PRDM2: variants seen among roughly 807,000 people sequenced by gnomAD.
PRDM2 encodes PR/SET domain 2.
Under a neutral mutation model 130.0 loss-of-function variants are expected in PRDM2, and 30 were observed. The observed-to-expected ratio is 0.23, with a 90% CI of 0.17 to 0.31. The LOEUF is 0.31. PRDM2 is among the 10% of genes least tolerant of loss of function. PRDM2 has a pLI of 1.00. For synonymous variants in PRDM2, 871 were observed against 782.4 expected (o/e 1.11, Z -1.89); for missense variants, 2,011 against 2,108.4 (o/e 0.95, Z 0.90).
At chr1:13,802,381 G>A (rs1294249081) in intron 8 of PRDM2, among the ~76,000 whole-genome samples, 1 of 152,170 alleles carries the variant, frequency 6.6e-6, no homozygotes, top group African/African-American at 2.4e-5. Context: ...TGAGCATCGA[G>A]GCAGGAGCAG....
chr1:13,712,053 CAAAA>C (rs5772549), intron 1 of PRDM2, among the ~76,000 whole-genome samples: 4 of 83,880 alleles, frequency 4.8e-5, no homozygotes, highest in African/African-American at 1.8e-4. Context: ...CATCTCTACC[CAAAA>C]AAAAAAAAAA....
intron 9 of PRDM2, among the ~76,000 whole-genome samples, chr1:13,821,787 A>T (rs1258394854): frequency 6.6e-6 from 1 of 152,010 alleles, no homozygotes; most frequent in African/African-American, 2.4e-5. Context: ...ATTATTAAGG[A>T]TTCACCCATG....
intron 6 of PRDM2, among the ~76,000 whole-genome samples, chr1:13,766,441 T>C (rs1428626421): frequency 6.6e-6 from 1 of 152,242 alleles, no homozygotes; most frequent in East Asian, 1.9e-4. Context: ...TTGGGTTTTG[T>C]AATTATGGTA....
At chr1:13,814,154 G>C (rs1260842940) in intron 8 of PRDM2, among the ~76,000 whole-genome samples, 1 of 152,216 alleles carries the variant, frequency 6.6e-6, no homozygotes, top group Non-Finnish European at 1.5e-5. Flanking sequence ...CCAGCTGGCT[G>C]TCTCCTCCCA....
At chr1:13,755,910 A>T (rs1643938652) in intron 6 of PRDM2, among the ~76,000 whole-genome samples, 1 of 152,020 alleles carries the variant, frequency 6.6e-6, no homozygotes, top group Non-Finnish European at 1.5e-5. Flanking sequence ...CTGGTATTAC[A>T]GGCTTGTACA....
At position 13,778,853 on chromosome 1, in the gene PRDM2, A is replaced by G; in HGVS notation, c.1058A>G (p.Asp353Gly). ...IPRTKEEANGDVFETFMFPCQ... is the reference protein window; with the variant it reads ...IPRTKEEANGGVFETFMFPCQ... ...AGAACTAAAGAAGAGGCCAATGGTG[A>G]TGTATTTGAAACGTTTATGTTTCCG... Residue 353 changes from aspartate (D) to glycine (G), a missense_variant, in exon 8 of 10, where the codon GAT becomes GGT. Around this residue, in one of 5 missense-constraint regions of PRDM2, gnomAD observed 1,288 missense variants for 1,237.7 expected, o/e 1.04. Transcript: ENST00000311066. The G allele has an allele frequency of 6.2e-7, 1 of 1,614,224 alleles. No homozygotes were observed. The highest frequency in any genetic ancestry group is 8.5e-7 in the Non-Finnish European group (1 of 1,180,050).
chr1:13,795,351 C>T (rs116272591), intron 8 of PRDM2, among the ~76,000 whole-genome samples: 2,719 of 152,146 alleles, frequency 0.018, 87 homozygotes, highest in African/African-American at 0.061. Context: ...ATGGGGAAAC[C>T]GAGGCACAGG....
chr1:13,794,411 T>C (rs1184454282), intron 8 of PRDM2, among the ~76,000 whole-genome samples: 1 of 152,248 alleles, frequency 6.6e-6, no homozygotes, highest in African/African-American at 2.4e-5. Flanking sequence ...GCAGGAACTT[T>C]GATTTCTTCA....
At chr1:13,796,958 A>G (rs769991786) in intron 8 of PRDM2, among the ~76,000 whole-genome samples, 5 of 152,232 alleles carry the variant, frequency 3.3e-5, no homozygotes, top group Non-Finnish European at 5.9e-5. Flanking sequence ...GTAAAAGTGC[A>G]ATCAATTCCT....
chr1:13,783,172 T>G, intron 8 of PRDM2: 1 of 535,898 alleles, frequency 1.9e-6, no homozygotes, highest in Non-Finnish European at 3.6e-6. Flanking sequence ...CTCAGTGTCA[T>G]GTGTCTTATT....
chr1:13,722,937 C>T, intron 2 of PRDM2: 1 of 464,590 alleles, frequency 2.2e-6, no homozygotes. Flanking sequence ...AAGCCTCACC[C>T]CATCTCGTCA....
chr1:13,795,311 T>C (rs1390740769), intron 8 of PRDM2, among the ~76,000 whole-genome samples: 1 of 152,208 alleles, frequency 6.6e-6, no homozygotes, highest in Non-Finnish European at 1.5e-5. Context: ...AAGAGCCCTA[T>C]GAATAATTTC....
At chr1:13,756,388 G>C (rs1643954304) in intron 6 of PRDM2, among the ~76,000 whole-genome samples, 1 of 152,140 alleles carries the variant, frequency 6.6e-6, no homozygotes, top group African/African-American at 2.4e-5. Context: ...GTTTCAGGTA[G>C]ACTGGCATGG....
intron 6 of PRDM2, among the ~76,000 whole-genome samples, chr1:13,750,555 G>A (rs1279597027): frequency 6.6e-6 from 1 of 151,990 alleles, no homozygotes; most frequent in Non-Finnish European, 1.5e-5. Context: ...TGTTAAAATC[G>A]GCATTAAGGA....
At chr1:13,774,043 G>C (rs945561262) in intron 7 of PRDM2, among the ~76,000 whole-genome samples, 6 of 152,136 alleles carry the variant, frequency 3.9e-5, no homozygotes, top group African/African-American at 1.2e-4. Flanking sequence ...TTTTTTGTTG[G>C]AATTTAAATT....
chr1:13,764,643 G>A (rs898985721), intron 6 of PRDM2, among the ~76,000 whole-genome samples: 3 of 152,222 alleles, frequency 2.0e-5, no homozygotes, highest in Non-Finnish European at 4.4e-5. Context: ...CCTGACATTT[G>A]GAAGAGTTAG....
In PRDM2 at chr1:13,749,368, C is replaced by T. The variant is rs761858927; in HGVS notation, c.392C>T (p.Ala131Val). 1 of 1,490,098 alleles carries T rather than the reference C, an allele frequency of 6.7e-7. No individual in the cohort carries two copies. The highest frequency in any genetic ancestry group is 9.0e-7 in the Non-Finnish European group (1 of 1,105,470). 92.3% of individuals were successfully genotyped at this position (1,490,098 alleles called of 1,614,324 possible). The change falls in exon 6 of 10, where the codon GCG (alanine) becomes GTG (valine). Residue 131 changes from alanine to valine, a missense_variant. Physicochemically the swap from Ala to Val is moderately conservative, Grantham distance 64. Transcript: ENST00000311066. ...TCTCTTCTCTCCCCGCAGCCAATCGCGCCGGGCGAGGAGCTCCTGGTCTGG... is the reference window on the plus strand; with the variant it reads ...TCTCTTCTCTCCCCGCAGCCAATCGTGCCGGGCGAGGAGCTCCTGGTCTGG... The part of the protein sequence containing the change: ...AIYYKTLKPI[A>V]PGEELLVWYN...
intron 5 of PRDM2, among the ~76,000 whole-genome samples, chr1:13,743,293 G>A (rs1258309167): frequency 2.0e-5 from 3 of 151,376 alleles, no homozygotes; most frequent in African/African-American, 7.3e-5. Context: ...CCAGCTACTC[G>A]GGAGGCTGAG....
At chr1:13,724,246 T>C (rs577909098) in intron 2 of PRDM2, among the ~76,000 whole-genome samples, 61 of 152,338 alleles carry the variant, frequency 4.0e-4, no homozygotes, top group Non-Finnish European at 4.9e-4. Context: ...AAACGGGCAT[T>C]GACAGTAAGT....
Sources: allele counts gnomAD v4.1 joint callset (sites outside exome capture counted in the v4.1 genomes callset), GRCh38; gene constraint gnomAD v4.1.1; regional missense constraint gnomAD v4.1.1; transcripts MANE v1.5; gene names NCBI Gene and HGNC (gene_info 2026-07-23, HGNC 2026-07-21).